Variants in TLK1 observed in about 807,000 individuals in gnomAD.
TLK1 encodes serine/threonine-protein kinase tousled-like 1.
In TLK1, 24 loss-of-function variants were observed where a neutral mutation model predicts 105.3. The ratio of observed to expected loss-of-function variants is 0.23; its 90% confidence interval spans 0.17 to 0.32. TLK1 has a LOEUF of 0.32. TLK1 is among the 10% of genes least tolerant of loss of function. The pLI is 1.00. For synonymous variants in TLK1, 321 were observed against 310.4 expected, an observed-to-expected ratio of 1.03 and a Z score of -0.36; for missense variants, 558 against 910.5, an observed-to-expected ratio of 0.61 and a Z score of 4.98.
intron 13 of TLK1, 63 bp from the exon 14 acceptor site, chr2:171,011,517 G>T: frequency 2.2e-6 from 3 of 1,363,686 alleles, no homozygotes; most frequent in Non-Finnish European, 3.1e-6. Context: ...CTTCTACACT[G>T]AAGTTCTACT....
At chr2:171,127,003 C>T (rs184940790) in intron 1 of TLK1, among the ~76,000 whole-genome samples, 4 of 151,938 alleles carry the variant, frequency 2.6e-5, no homozygotes, top group East Asian at 1.9e-4. Flanking sequence ...GGGCTGGGCA[C>T]GGTGGCTCAC....
chr2:171,101,171 C>T (rs1229504936), intron 2 of TLK1, among the ~76,000 whole-genome samples: 8 of 151,894 alleles, frequency 5.3e-5, no homozygotes, highest in Non-Finnish European at 1.0e-4. Flanking sequence ...CATGGTGAGA[C>T]CTCATCTCTA....
chr2:171,135,169 T>C (rs1196805371), intron 1 of TLK1, among the ~76,000 whole-genome samples: 2 of 152,240 alleles, frequency 1.3e-5, no homozygotes, highest in South Asian at 2.1e-4. Context: ...AGGGTGACTA[T>C]AGTTAATAAT....
chr2:171,037,766 T>C (rs1686442314), intron 11 of TLK1, among the ~76,000 whole-genome samples: 2 of 152,224 alleles, frequency 1.3e-5, no homozygotes, highest in South Asian at 2.1e-4. Context: ...TGTGTTACTA[T>C]TTTAAGATTT....
chr2:171,160,734 C>G lies in TLK1; in HGVS notation c.-306G>C, dbSNP rs886682340. ...AGGCGTCGAGGGGGTGCCAGCCGGG[C>G]CGGGGTCGGAGCGCGGGCGGAGCGC... On this transcript the variant is annotated 5_prime_UTR_variant, in exon 1 of 21. Coordinates refer to ENST00000431350, the MANE Select transcript of TLK1 (RefSeq NM_012290.5). The surrounding 1 kb of genome is among the most constrained non-coding windows in gnomAD (Gnocchi z 4.4). 6.7e-6 allele frequency: 3 copies of G among 446,636 alleles called. No homozygotes were observed. Among genetic ancestry groups the G allele is most frequent in the Admixed American group, 4.4e-5 (1 of 22,612 alleles). The allele number at this position is 446,636 out of a possible 1,614,324, so 27.7% of individuals were successfully genotyped here. A position where few individuals can be genotyped will look rare whatever the true frequency, so the allele number is the denominator to read the frequency against.
intron 1 of TLK1, among the ~76,000 whole-genome samples, chr2:171,223,668 T>C (rs1417593601): frequency 6.6e-6 from 1 of 151,942 alleles, no homozygotes. Context: ...TTAGTAGAGA[T>C]GGGGTTTTGC....
At chr2:170,993,982 C>CAATT in intron 20 of TLK1, 26 bp from the exon 21 acceptor site, 2 of 1,557,340 alleles carry the variant, frequency 1.3e-6, no homozygotes, top group Non-Finnish European at 1.7e-6. Context: ...GAAATGTTAG[C>CAATT]AATTAATGAT....
At chr2:171,048,589 A>T (rs1687070890) in intron 10 of TLK1, among the ~76,000 whole-genome samples, 1 of 152,278 alleles carries the variant, frequency 6.6e-6, no homozygotes, top group African/African-American at 2.4e-5. Flanking sequence ...CGTACACTAT[A>T]TGTAAACCTT....
intron 20 of TLK1, among the ~76,000 whole-genome samples, chr2:170,996,207 C>A (rs938591994): frequency 6.6e-6 from 1 of 151,998 alleles, no homozygotes; most frequent in Non-Finnish European, 1.5e-5. Flanking sequence ...CCATGTTGGT[C>A]AGGCTGGTCT....
intron 4 of TLK1, among the ~76,000 whole-genome samples, chr2:171,058,501 A>G (rs2105442614): frequency 6.6e-6 from 1 of 152,294 alleles, no homozygotes; most frequent in East Asian, 1.9e-4. Flanking sequence ...ACTTGTAAAT[A>G]ATAATAAAAC....
intron 3 of TLK1, among the ~76,000 whole-genome samples, chr2:171,063,466 C>T (rs1235126280): frequency 1.3e-5 from 2 of 152,034 alleles, no homozygotes; most frequent in African/African-American, 4.8e-5. Flanking sequence ...TTTCAGAATC[C>T]TTTAATGTTA....
chr2:171,144,720 T>C (rs1041581642), intron 1 of TLK1, among the ~76,000 whole-genome samples: 3 of 151,998 alleles, frequency 2.0e-5, no homozygotes, highest in African/African-American at 2.4e-5. Context: ...ACAGAAAATA[T>C]GGGAAAACAT....
At chr2:171,050,013 C>G in intron 9 of TLK1, 51 bp downstream of exon 9, 2 of 1,609,478 alleles carry the variant, frequency 1.2e-6, no homozygotes, top group South Asian at 2.2e-5. Flanking sequence ...GCATACAAAG[C>G]AAAAGGGGCT....
chr2:171,208,628 G>T (rs1292593362), intron 1 of TLK1, among the ~76,000 whole-genome samples: 2 of 152,150 alleles, frequency 1.3e-5, no homozygotes, highest in South Asian at 2.1e-4. Context: ...ATGAGCAAAG[G>T]TGTAGCTCTA....
chr2:171,060,041 A>G (rs1003825208), intron 4 of TLK1: 51 of 1,606,374 alleles, frequency 3.2e-5, no homozygotes, highest in African/African-American at 8.0e-5. Context: ...GTTTACTCCA[A>G]AGGAAGGGGG....
chr2:171,078,200 T>C (rs541414487), intron 3 of TLK1, among the ~76,000 whole-genome samples: 3 of 152,184 alleles, frequency 2.0e-5, no homozygotes, highest in Non-Finnish European at 2.9e-5. Context: ...TCCTTCTTTA[T>C]GCTAATTCCA....
In TLK1 at chr2:171,056,455, T is replaced by A; in HGVS notation, c.549+16A>T. The A allele has an allele frequency of 6.2e-7, 1 of 1,609,002 alleles. No homozygotes were observed. ...CTCCCAAAGACTACACATGAAAAAC[T>A]TGAAAGATGACTTACAGATGAGGAA... On this transcript the variant is annotated intron_variant, in intron 6 of 20. Transcript: ENST00000431350.
intron 1 of TLK1, among the ~76,000 whole-genome samples, chr2:171,119,211 A>C (rs941112799): frequency 6.6e-6 from 1 of 152,208 alleles, no homozygotes; most frequent in East Asian, 1.9e-4. Flanking sequence ...GTTTATAACC[A>C]TATCATCCTT....
chr2:171,092,792 C>G (rs1379196617), intron 2 of TLK1, among the ~76,000 whole-genome samples: 2 of 152,044 alleles, frequency 1.3e-5, no homozygotes, highest in Non-Finnish European at 2.9e-5. Flanking sequence ...TAAATGGAAC[C>G]TTACACATGA....
Sources: gnomAD v4.1 joint callset for allele counts (sites outside exome capture counted in the v4.1 genomes callset) on GRCh38, gnomAD v4.1.1 for gene constraint, Gnocchi (gnomAD v3.1) non-coding constraint, MANE v1.5 for transcripts, NCBI Gene and HGNC (gene_info 2026-07-23, HGNC 2026-07-21) for gene names.